Variants in ZNF700 observed in about 807,000 individuals in gnomAD.
The protein encoded by ZNF700 is zinc finger protein 700.
ZNF700 carries 38 observed loss-of-function variants against 65.3 expected under a neutral mutation model. That is an observed-to-expected ratio of 0.58 (90% CI 0.45 to 0.76). ZNF700 has a LOEUF of 0.76. Ranked by LOEUF, ZNF700 falls within the 30% of genes least tolerant of loss-of-function variation. The probability of loss-of-function intolerance (pLI) is 0.00; values close to 1 mark genes in which losing one functional copy is unlikely to be tolerated. For missense variants in ZNF700, 857 were observed against 888.4 expected, an observed-to-expected ratio of 0.96 and a Z score of 0.45; for synonymous variants, 285 against 290.4, an observed-to-expected ratio of 0.98 and a Z score of 0.19.
rs771252942 is a variant in ZNF700, at chr19:11,948,722, C to G, written c.698C>G (p.Ser233Cys). ...AAATTTTGTGGGAAAGCCTTCCATT[C>G]TTTCAGTTTATATCTTATCCATGAA... Reference protein sequence around the residue: ...KCKFCGKAFHSFSLYLIHERT... With the variant: ...KCKFCGKAFHCFSLYLIHERT... The change falls in exon 4 of 4, where the codon TCT (serine) becomes TGT (cysteine). Residue 233 changes from serine to cysteine, a missense_variant. Physicochemically the swap from Ser to Cys is moderately radical, Grantham distance 112 (BLOSUM62 -1). Transcript: ENST00000254321. 6.2e-6 allele frequency: 10 copies of G among 1,612,892 alleles called. No individual in the cohort carries two copies. In the African/African-American group the frequency reaches 8.0e-5, roughly 13 times the overall value.
rs768157971 is a variant in ZNF700 at position 11,949,160 on chromosome 19, C to G, written c.1136C>G (p.Thr379Arg). 3.1e-6 allele frequency: 5 copies of G among 1,611,262 alleles called. No individual in the cohort carries two copies. The highest frequency in any genetic ancestry group is 1.3e-5 in the African/African-American group (1 of 74,322). The change falls in exon 4 of 4, where the codon ACA becomes AGA. Residue 379 changes from threonine to arginine, a missense_variant. Physicochemically the swap from Thr to Arg is moderately conservative, Grantham distance 71. Transcript: ENST00000254321. Reference sequence around the variant, plus strand: ...TTTTATTCTGCCAAGTCATTTCAAACACATGAAAAAACTCACACTGGAGAG... The same window carrying G: ...TTTTATTCTGCCAAGTCATTTCAAAGACATGAAAAAACTCACACTGGAGAG... ...KGFYSAKSFQ[T>R]HEKTHTGEKR...
At chr19:11,925,401 C>G in intron 1 of ZNF700, 128 bp downstream of exon 1, 1 of 1,429,032 alleles carries the variant, frequency 7.0e-7, no homozygotes, top group Non-Finnish European at 9.3e-7. Context: ...CCTCCTTGAG[C>G]AGTTCGGCCC....
In ZNF700 at chr19:11,949,572, C is replaced by T. The variant is rs1015879498; in HGVS notation, c.1548C>T (p.Gly516=). Residue 516 remains glycine (G), a synonymous_variant, in exon 4 of 4, where the codon GGC becomes GGT. Transcript: ENST00000254321. ...ATAAATGTAGTATATGTGAGAAAGG[C>T]TTTTATTCTGCCAAGTCATTTCAAA... ...RPYKCSICEK[G]FYSAKSFQTH... The T allele has an allele frequency of 1.2e-6, 2 of 1,612,382 alleles. No individual in the cohort carries two copies. Among genetic ancestry groups the T allele is most frequent in the African/African-American group, 1.3e-5 (1 of 74,598 alleles).
intron 2 of ZNF700, 27 bp from the exon 3 acceptor site, chr19:11,947,487 G>T (rs1373774350): frequency 6.2e-7 from 1 of 1,610,284 alleles, no homozygotes; most frequent in Admixed American, 1.7e-5. Flanking sequence ...ACTGCTTCAG[G>T]ACTATTTTTC....
intron 1 of ZNF700, among the ~76,000 whole-genome samples, chr19:11,943,157 G>A (rs1972910828): frequency 6.6e-6 from 1 of 152,092 alleles, no homozygotes; most frequent in Non-Finnish European, 1.5e-5. Flanking sequence ...CCTAGTGCTG[G>A]AAACCATTTT....
chr19:11,947,673 C>CAAAT, intron 3 of ZNF700, 99 bp downstream of exon 3: 1 of 1,154,230 alleles, frequency 8.7e-7, no homozygotes, highest in East Asian at 2.4e-5. Flanking sequence ...AATCCAGCAT[C>CAAAT]AAATTCATTT....
chr19:11,949,596 AAC>A lies in ZNF700; in HGVS notation c.1576_1577del (p.His526Ter). On this transcript the variant is annotated frameshift_variant, in exon 4 of 4. Coordinates refer to ENST00000254321, the MANE Select transcript of ZNF700 (RefSeq NM_144566.3). LOFTEE classifies it high-confidence loss of function. ...KGFYSAKSFQ[T>X]HEKTHTGEKP... Reference sequence around the variant, plus strand: ...GCTTTTATTCTGCCAAGTCATTTCAAACACATGAAAAAACTCACACTGGAGAG... The same window carrying A: ...GCTTTTATTCTGCCAAGTCATTTCAAACATGAAAAAACTCACACTGGAGAG... 2 of 1,613,242 alleles carry A rather than the reference AAC, an allele frequency of 1.2e-6. No homozygotes were observed. The highest frequency in any genetic ancestry group is 1.7e-6 in the Non-Finnish European group (2 of 1,179,880).
Position 11,949,700 on chromosome 19 carries a change from C to A in ZNF700, c.1676C>A (p.Thr559Asn), listed in dbSNP as rs371606895. 13 of 1,613,872 alleles carry A rather than the reference C, an allele frequency of 8.1e-6. No individual in the cohort carries two copies. In the African/African-American group the frequency reaches 1.6e-4, roughly 20 times the overall value. Residue 559 changes from threonine to asparagine, a missense_variant, in exon 4 of 4, where the codon ACT becomes AAT. Coordinates refer to ENST00000254321, the MANE Select transcript of ZNF700 (RefSeq NM_144566.3). ...NSLRYHERTH[T>N]GEKPYECKQC... ...CTTCGATATCATGAAAGGACTCACA[C>A]TGGAGAGAAACCCTATGAGTGTAAG...
At chr19:11,940,833 C>G (rs1972870268) in intron 1 of ZNF700, among the ~76,000 whole-genome samples, 1 of 152,036 alleles carries the variant, frequency 6.6e-6, no homozygotes, top group African/African-American at 2.4e-5. Flanking sequence ...CTCCACGTCC[C>G]CCCCAGATTA....
intron 1 of ZNF700, among the ~76,000 whole-genome samples, chr19:11,941,091 C>G (rs1477395892): frequency 6.6e-6 from 1 of 152,154 alleles, no homozygotes; most frequent in Non-Finnish European, 1.5e-5. Context: ...TTCACAAACC[C>G]TGAGCTAGAC....
intron 1 of ZNF700, among the ~76,000 whole-genome samples, chr19:11,933,924 C>A (rs1372847110): frequency 6.8e-6 from 1 of 147,508 alleles, no homozygotes; most frequent in Non-Finnish European, 1.5e-5. Context: ...GATCCTCCCA[C>A]CTCAGCTTCC....
At chr19:11,943,390 C>T (rs557263929) in intron 1 of ZNF700, among the ~76,000 whole-genome samples, 5 of 152,252 alleles carry the variant, frequency 3.3e-5, no homozygotes, top group African/African-American at 9.6e-5. Context: ...GGTTTCTTAC[C>T]GGGCTAAAAC....
At chr19:11,943,114 A>G (rs574624070) in intron 1 of ZNF700, among the ~76,000 whole-genome samples, 9 of 152,142 alleles carry the variant, frequency 5.9e-5, no homozygotes, top group Non-Finnish European at 1.2e-4. Flanking sequence ...TTCTATTATT[A>G]TTATTATTTC....
chr19:11,947,834 C>T (rs1413062551), intron 3 of ZNF700, among the ~76,000 whole-genome samples: 3 of 152,134 alleles, frequency 2.0e-5, no homozygotes, highest in Non-Finnish European at 4.4e-5. Context: ...AACGAGACCA[C>T]ATATCAACAA....
rs1483787961 is a variant in ZNF700, at chr19:11,948,461, G to A, written c.437G>A (p.Arg146Lys). 3.7e-6 allele frequency: 6 copies of A among 1,614,006 alleles called. No individual in the cohort carries two copies. Among genetic ancestry groups the A allele is most frequent in the Non-Finnish European group, 5.1e-6 (6 of 1,180,024 alleles). Residue 146 changes from arginine (R) to lysine (K), a missense_variant, in exon 4 of 4, where the codon AGA becomes AAA. By Grantham distance (26) the Arg-to-Lys change is conservative. Around this residue, in one of 3 missense-constraint regions of ZNF700, gnomAD observed 603 missense variants for 619.9 expected, o/e 0.97. Transcript: ENST00000254321. The stretch of plus-strand genomic sequence containing the variant: ...AACTCATCTTTTAATATGAGCATCA[G>A]AGGTGACACTGGACACAAGGCATAT... ...IGNSSFNMSI[R>K]GDTGHKAYEY...
rs777285663 is a variant in ZNF700 at position 11,948,457 on chromosome 19, A to G, written c.433A>G (p.Ile145Val). The G allele has an allele frequency of 6.8e-6, 11 of 1,614,036 alleles. No individual in the cohort carries two copies. Among genetic ancestry groups the G allele is most frequent in the Admixed American group, 1.7e-5 (1 of 59,994 alleles). Residue 145 changes from isoleucine (I) to valine (V), a missense_variant, in exon 4 of 4, where the codon ATC becomes GTC. Coordinates refer to ENST00000254321, the MANE Select transcript of ZNF700 (RefSeq NM_144566.3). ...GIGNSSFNMS[I>V]RGDTGHKAYE... ...AGGTAACTCATCTTTTAATATGAGC[A>G]TCAGAGGTGACACTGGACACAAGGC...
intron 1 of ZNF700, among the ~76,000 whole-genome samples, chr19:11,943,351 C>A (rs1972913793): frequency 6.6e-6 from 1 of 152,180 alleles, no homozygotes; most frequent in South Asian, 2.1e-4. Flanking sequence ...TAGGGCCAGT[C>A]TATTTTGATA....
rs747248959 is a variant in ZNF700, at chr19:11,948,823, A to G, written c.799A>G (p.Ile267Val). 8.1e-6 allele frequency: 13 copies of G among 1,608,242 alleles called. No individual in the cohort carries two copies. The highest frequency in any genetic ancestry group is 1.1e-5 in the Non-Finnish European group (13 of 1,178,490). Residue 267 changes from isoleucine to valine, a missense_variant, in exon 4 of 4, where the codon ATA (isoleucine) becomes GTA (valine). Ile to Val is a conservative substitution (Grantham distance 29). Coordinates refer to ENST00000254321, the MANE Select transcript of ZNF700 (RefSeq NM_144566.3). The part of the protein sequence containing the change: ...KSFTYSATLQ[I>V]HERTHTGEKP... The stretch of plus-strand genomic sequence containing the variant: ...CTTTACTTATTCTGCTACCCTTCAA[A>G]TACATGAAAGAACTCACACTGGGGA...
At chr19:11,932,291 C>G (rs1270841394) in intron 1 of ZNF700, among the ~76,000 whole-genome samples, 1 of 147,424 alleles carries the variant, frequency 6.8e-6, no homozygotes, top group Non-Finnish European at 1.5e-5. Flanking sequence ...CTGCAGTGAG[C>G]TATGATTGCA....
Sources: gnomAD v4.1 joint callset for allele counts (sites outside exome capture counted in the v4.1 genomes callset) on GRCh38, gnomAD v4.1.1 for gene constraint, gnomAD v4.1.1 regional missense constraint, MANE v1.5 for transcripts, NCBI Gene and HGNC (gene_info 2026-07-23, HGNC 2026-07-21) for gene names.